Variants in PRTG observed in about 807,000 individuals in gnomAD.
The protein encoded by PRTG is protogenin.
A neutral mutation model predicts 122.5 loss-of-function variants in PRTG; 67 were observed. The observed-to-expected ratio is 0.55, with a 90% confidence interval of 0.45 to 0.67. The LOEUF is 0.67. Among genes scored for constraint, PRTG ranks in the 30% least tolerant of loss-of-function variants. The pLI is 0.00. For synonymous variants in PRTG, 554 were observed against 501.1 expected, an observed-to-expected ratio of 1.11 and a Z score of -1.41; for missense variants, 1,435 against 1,415.4, an observed-to-expected ratio of 1.01 and a Z score of -0.22.
intron 11 of PRTG, among the ~76,000 whole-genome samples, chr15:55,663,732 G>T (rs1164815302): frequency 1.3e-5 from 2 of 152,032 alleles, no homozygotes; most frequent in Admixed American, 6.6e-5. Context: ...AGTAGAGACA[G>T]GGTTTCACCA....
At chr15:55,664,972 AT>A (rs1235554563) in intron 11 of PRTG, among the ~76,000 whole-genome samples, 2 of 151,084 alleles carry the variant, frequency 1.3e-5, no homozygotes, top group Admixed American at 1.3e-4. Flanking sequence ...TTAAAACTGC[AT>A]GTTGGCCAGG....
chr15:55,735,445 T>C (rs1334539217), intron 2 of PRTG, among the ~76,000 whole-genome samples: 1 of 152,014 alleles, frequency 6.6e-6, no homozygotes, highest in African/African-American at 2.4e-5. Context: ...AAAGATTTGT[T>C]GCTTCCTATT....
At chr15:55,705,118 C>T (rs954788503) in intron 2 of PRTG, among the ~76,000 whole-genome samples, 3 of 152,098 alleles carry the variant, frequency 2.0e-5, no homozygotes, top group African/African-American at 7.2e-5. Context: ...CTCAGGGCCA[C>T]AGAATTAGTA....
intron 11 of PRTG, among the ~76,000 whole-genome samples, chr15:55,648,097 AAT>A (rs934168385): frequency 1.3e-5 from 2 of 152,302 alleles, no homozygotes; most frequent in African/African-American, 4.8e-5. Context: ...AAATGGCCCT[AAT>A]GATGATAAAT....
At chr15:55,720,588 TTG>T (rs2030778280) in intron 2 of PRTG, among the ~76,000 whole-genome samples, 1 of 152,124 alleles carries the variant, frequency 6.6e-6, no homozygotes, top group South Asian at 2.1e-4. Context: ...TGACAACTGT[TTG>T]TGTTTCTTTT....
intron 14 of PRTG, 68 bp downstream of exon 14, chr15:55,638,481 T>C: frequency 8.0e-7 from 1 of 1,248,094 alleles, no homozygotes; most frequent in Admixed American, 2.4e-5. Context: ...CAGAATGACA[T>C]ACATATTTTT....
intron 2 of PRTG, among the ~76,000 whole-genome samples, chr15:55,692,943 C>T (rs560892882): frequency 1.4e-5 from 2 of 145,142 alleles, no homozygotes; most frequent in Admixed American, 1.5e-4. Context: ...CGGGTTCAAG[C>T]AATTCTCCTG....
chr15:55,626,960 G>A (rs755280724), intron 17 of PRTG, 48 bp downstream of exon 17: 33 of 1,526,232 alleles, frequency 2.2e-5, no homozygotes, highest in South Asian at 2.6e-5. Context: ...TGTGGCTACC[G>A]TAATTTAAAT....
intron 11 of PRTG, among the ~76,000 whole-genome samples, chr15:55,662,219 G>C (rs1283154754): frequency 1.3e-5 from 2 of 152,046 alleles, no homozygotes; most frequent in Admixed American, 1.3e-4. Context: ...CATCTCATAG[G>C]GTGGCATTAA....
At position 55,680,646 on chromosome 15, in the gene PRTG, C is replaced by G. The variant is rs539673793; in HGVS notation, c.677-18G>C. On this transcript the variant is annotated intron_variant, in intron 4 of 19. Coordinates refer to ENST00000389286, the MANE Select transcript of PRTG (RefSeq NM_173814.6). Reference sequence around the variant, plus strand: ...CTCCTTAGCTTTGGGGAGGAAAAGACAGAATATAAAAATAAATTATAAATA... The same window carrying G: ...CTCCTTAGCTTTGGGGAGGAAAAGAGAGAATATAAAAATAAATTATAAATA... 4.8e-6 allele frequency: 7 copies of G among 1,443,530 alleles called. No homozygotes were observed. In the East Asian group the frequency reaches 1.7e-4, roughly 35 times the overall value. 89.4% of individuals were successfully genotyped at this position (1,443,530 alleles called of 1,614,324 possible). A position where few individuals can be genotyped will look rare whatever the true frequency, so the allele number is the denominator to read the frequency against.
In PRTG at chr15:55,624,417, CT is replaced by C; in HGVS notation, c.3017del (p.Lys1006ArgfsTer7). ...CATTTCCTACAGCTCCTTCCAGGTT[CT>C]TTCCTACCTCATTTCCACTAGCTAA... ...ASLASGNEVGKNLEGAVGNEE... is the reference protein window; with the variant it reads ...ASLASGNEVGXNLEGAVGNEE... On this transcript the variant is annotated frameshift_variant, in exon 18 of 20. Transcript: ENST00000389286. LOFTEE classifies it high-confidence loss of function. 1.2e-6 allele frequency: 2 copies of C among 1,613,982 alleles called. No homozygotes were observed. The highest frequency in any genetic ancestry group is 1.7e-6 in the Non-Finnish European group (2 of 1,179,910).
intron 2 of PRTG, among the ~76,000 whole-genome samples, chr15:55,727,841 T>G (rs2141878671): frequency 6.6e-6 from 1 of 152,226 alleles, no homozygotes; most frequent in South Asian, 2.1e-4. Flanking sequence ...CAGAACCAGG[T>G]GACTTCACAA....
intron 11 of PRTG, among the ~76,000 whole-genome samples, chr15:55,647,741 C>G (rs1370243796): frequency 1.3e-5 from 2 of 152,180 alleles, no homozygotes; most frequent in African/African-American, 2.4e-5. Context: ...ATTTTGGAAT[C>G]AACTTTGTGA....
rs1279050902 is a variant in PRTG at position 55,612,008 on chromosome 15, T to C, written c.*8004A>G. ...CACACTTTCATTTAATTCACATCTT[T>C]GAAGAAAATAGAAAAAAAAAAATCA... On this transcript the variant is annotated 3_prime_UTR_variant, in exon 20 of 20. Coordinates refer to ENST00000389286, the MANE Select transcript of PRTG (RefSeq NM_173814.6). 1 of 124,588 alleles carries C rather than the reference T, an allele frequency of 8.0e-6. No individual in the cohort carries two copies. 7.7% of individuals were successfully genotyped at this position (124,588 alleles called of 1,614,324 possible).
chr15:55,647,210 G>T (rs2059329049), intron 11 of PRTG, among the ~76,000 whole-genome samples: 1 of 152,034 alleles, frequency 6.6e-6, no homozygotes, highest in Non-Finnish European at 1.5e-5. Flanking sequence ...AACCCAGGAG[G>T]CAGCTGTTGC....
At chr15:55,649,123 AC>A (rs1228436926) in intron 11 of PRTG, among the ~76,000 whole-genome samples, 3 of 151,688 alleles carry the variant, frequency 2.0e-5, no homozygotes, top group Non-Finnish European at 2.9e-5. Context: ...AACAAAAAAA[AC>A]CCCTCTGTAT....
intron 14 of PRTG, among the ~76,000 whole-genome samples, chr15:55,637,700 A>G (rs1479447595): frequency 6.6e-6 from 1 of 152,118 alleles, no homozygotes; most frequent in Non-Finnish European, 1.5e-5. Flanking sequence ...TCTTACTAAC[A>G]TGTATAGAAC....
At chr15:55,660,076 T>C (rs920905378) in intron 11 of PRTG, among the ~76,000 whole-genome samples, 2 of 152,174 alleles carry the variant, frequency 1.3e-5, no homozygotes, top group Non-Finnish European at 2.9e-5. Flanking sequence ...AACATACATA[T>C]GTGTGACCGC....
intron 2 of PRTG, among the ~76,000 whole-genome samples, chr15:55,704,532 G>A (rs913571820): frequency 6.6e-5 from 10 of 151,988 alleles, no homozygotes; most frequent in East Asian, 1.9e-4. Context: ...GTTCTTCATC[G>A]TTTTATATAT....
Sources: gnomAD v4.1 joint callset for allele counts (sites outside exome capture counted in the v4.1 genomes callset) on GRCh38, gnomAD v4.1.1 for gene constraint, MANE v1.5 for transcripts, NCBI Gene and HGNC (gene_info 2026-07-23, HGNC 2026-07-21) for gene names.